ACAD10: variants seen among roughly 807,000 people sequenced by gnomAD.
ACAD10 encodes the protein ACAD-10.
In ACAD10, 112 loss-of-function variants were observed where a neutral mutation model predicts 116.8. The observed-to-expected ratio is 0.96, with a 90% CI of 0.82 to 1.12. ACAD10 has a LOEUF of 1.12. Ranked by LOEUF, ACAD10 falls within the 50% of genes most tolerant of loss-of-function variation. The probability of loss-of-function intolerance (pLI) is 0.00; values close to 1 mark genes in which losing one functional copy is unlikely to be tolerated. For missense variants in ACAD10, 1,259 were observed against 1,350.2 expected, an observed-to-expected ratio of 0.93 and a Z score of 1.06; for synonymous variants, 486 against 510.6, an observed-to-expected ratio of 0.95 and a Z score of 0.65.
chr12:111,702,886 G>C (rs1888390800), intron 3 of ACAD10, among the ~76,000 whole-genome samples: 1 of 151,272 alleles, frequency 6.6e-6, no homozygotes, highest in Non-Finnish European at 1.5e-5. Flanking sequence ...TTGAACTCTG[G>C]AGTTTGAGAC....
At chr12:111,705,983 T>A (rs1165545258) in intron 4 of ACAD10, 51 bp downstream of exon 4, 1 of 1,583,174 alleles carries the variant, frequency 6.3e-7, no homozygotes, top group African/African-American at 1.3e-5. Flanking sequence ...TGCCCTCGCT[T>A]CAGGGTGCAA....
intron 7 of ACAD10, among the ~76,000 whole-genome samples, chr12:111,719,210 T>C (rs1265461552): frequency 6.6e-6 from 1 of 152,224 alleles, no homozygotes; most frequent in Non-Finnish European, 1.5e-5. Flanking sequence ...GAATGAATTC[T>C]AGTTTAATTC....
intron 2 of ACAD10, among the ~76,000 whole-genome samples, chr12:111,694,908 G>A (rs1399006593): frequency 6.6e-6 from 1 of 152,136 alleles, no homozygotes; most frequent in African/African-American, 2.4e-5. Context: ...CATGGATGTA[G>A]TCCCAGCTAC....
In ACAD10 at chr12:111,744,787, C is replaced by T. The variant is rs1251428097; in HGVS notation, c.1859C>T (p.Thr620Met). 3 of 1,614,118 alleles carry T rather than the reference C, an allele frequency of 1.9e-6. No individual in the cohort carries two copies. Among genetic ancestry groups the T allele is most frequent in the African/African-American group, 1.3e-5 (1 of 74,942 alleles). ...FTNPLTRSYH[T>M]WARPQSQWCP... The stretch of plus-strand genomic sequence containing the variant: ...AATCCGTTAACAAGGTCCTACCACA[C>T]GTGGGCCAGGCCCCAGTCCCAGTGG... The change falls in exon 13 of 21, where the codon ACG (threonine) becomes ATG (methionine). Residue 620 changes from threonine to methionine, a missense_variant. Coordinates refer to ENST00000313698, the MANE Select transcript of ACAD10 (RefSeq NM_025247.6).
At chr12:111,713,422 C>T (rs1244126960) in intron 6 of ACAD10, among the ~76,000 whole-genome samples, 1 of 150,684 alleles carries the variant, frequency 6.6e-6, no homozygotes, top group East Asian at 2.0e-4. Context: ...GCCAGGAGTT[C>T]GAGACCAGGC....
In ACAD10 at chr12:111,744,268, TTCTTA is replaced by T. The variant is rs1889826875; in HGVS notation, c.1715-373_1715-369del. Among the ~76,000 whole-genome samples, 3 of 152,114 alleles carry T rather than the reference TTCTTA, an allele frequency of 2.0e-5. No individual in the cohort carries two copies. The South Asian group carries it at 6.2e-4, about 32-fold the overall frequency. On this transcript the variant is annotated intron_variant, in intron 12 of 20. Coordinates refer to ENST00000313698, the MANE Select transcript of ACAD10 (RefSeq NM_025247.6). ...GCAAGGGTGGTCTAGGATGCAGGAC[TTCTTA>T]TAGCCCACTGGCAACGGCAGAGGTG...
intron 4 of ACAD10, 137 bp downstream of exon 4, chr12:111,706,069 T>G (rs1888494574): frequency 1.2e-6 from 1 of 865,180 alleles, no homozygotes; most frequent in African/African-American, 1.7e-5. Flanking sequence ...TAGGTTTAAA[T>G]GCAATATGTT....
chr12:111,737,799 TGACCATTTGCA>T (rs1889614507), intron 12 of ACAD10, among the ~76,000 whole-genome samples: 1 of 152,156 alleles, frequency 6.6e-6, no homozygotes, highest in African/African-American at 2.4e-5. Context: ...AATATGTGTG[TGACCATTTGCA>T]TATTTAACAA....
intron 8 of ACAD10, 23 bp downstream of exon 8, chr12:111,721,762 A>G: frequency 1.9e-6 from 3 of 1,572,638 alleles, no homozygotes; most frequent in Admixed American, 1.7e-5. Context: ...TGTTTTTGCT[A>G]TTGCACTTTC....
chr12:111,717,397 A>G (rs1028355557), intron 7 of ACAD10, among the ~76,000 whole-genome samples: 22 of 151,994 alleles, frequency 1.4e-4, no homozygotes, highest in Non-Finnish European at 2.6e-4. Context: ...TCATAAAACT[A>G]GTAAGCAAGT....
intron 10 of ACAD10, among the ~76,000 whole-genome samples, chr12:111,730,256 G>A (rs1339342191): frequency 6.6e-6 from 1 of 152,164 alleles, no homozygotes; most frequent in Non-Finnish European, 1.5e-5. Flanking sequence ...AATCTTCGCA[G>A]ACCTGGTCCA....
At chr12:111,723,347 G>A (rs1233897592) in intron 8 of ACAD10, among the ~76,000 whole-genome samples, 24 of 139,252 alleles carry the variant, frequency 1.7e-4, no homozygotes, top group Non-Finnish European at 3.2e-4. Flanking sequence ...CCTCCCAGAC[G>A]GGGCGGCTGT....
Position 111,736,826 on chromosome 12 carries a change from C to T in ACAD10, c.1541-5C>T, listed in dbSNP as rs755899575. 13 of 1,609,976 alleles carry T rather than the reference C, an allele frequency of 8.1e-6. No individual in the cohort carries two copies. Among genetic ancestry groups the T allele is most frequent in the African/African-American group, 4.0e-5 (3 of 74,670 alleles). On this transcript the variant is annotated splice_polypyrimidine_tract_variant and splice_region_variant and intron_variant, in intron 11 of 20. Coordinates refer to ENST00000313698, the MANE Select transcript of ACAD10 (RefSeq NM_025247.6). ...TACCCATGAATGGCTCTGTCTTTCT[C>T]GCAGGTATTAATGACTGTGACTTGA... is the stretch of plus-strand genomic sequence containing the variant.
intron 18 of ACAD10, chr12:111,752,963 G>T (rs1890113713): frequency 6.3e-6 from 1 of 158,098 alleles, no homozygotes; most frequent in South Asian, 1.9e-4. Context: ...GGGCAATGTA[G>T]TGAGACCCTG....
intron 7 of ACAD10, among the ~76,000 whole-genome samples, chr12:111,716,384 G>A (rs970880891): frequency 6.6e-6 from 1 of 152,092 alleles, no homozygotes; most frequent in African/African-American, 2.4e-5. Flanking sequence ...CCCCCAAAAA[G>A]CCAAATGTAA....
In ACAD10 at chr12:111,748,041, C is replaced by T. The variant is rs537261677; in HGVS notation, c.2486-276C>T. ...GAGCCAGCTGGCAGGGATCAAGTAG[C>T]GGTTTTCATCCTCTTGTCTCTAAAT... On this transcript the variant is annotated intron_variant, in intron 16 of 20. Coordinates refer to ENST00000313698, the MANE Select transcript of ACAD10 (RefSeq NM_025247.6). Among the ~76,000 whole-genome samples, 6 of 152,262 alleles carry T rather than the reference C, an allele frequency of 3.9e-5. No homozygotes were observed. In the South Asian group the frequency reaches 1.0e-3, roughly 26 times the overall value.
intron 12 of ACAD10, among the ~76,000 whole-genome samples, chr12:111,739,766 A>G (rs1030096436): frequency 2.0e-5 from 3 of 151,936 alleles, no homozygotes; most frequent in Admixed American, 6.6e-5. Context: ...AGAAAAAAAA[A>G]AGGTGGGGGG....
chr12:111,740,849 CAAGGAGAAAG>C (rs1271216554), intron 12 of ACAD10, among the ~76,000 whole-genome samples: 1 of 146,414 alleles, frequency 6.8e-6, no homozygotes, highest in Admixed American at 6.8e-5. Context: ...AAACAAAAGG[CAAGGAGAAAG>C]AAGGAGAAAG....
intron 8 of ACAD10, 147 bp downstream of exon 8, chr12:111,721,886 C>G: frequency 1.9e-6 from 1 of 523,048 alleles, no homozygotes; most frequent in African/African-American, 1.9e-5. Context: ...CAGAAGTTCT[C>G]AGATATTTAA....
Sources: allele counts gnomAD v4.1 joint callset (sites outside exome capture counted in the v4.1 genomes callset), GRCh38; gene constraint gnomAD v4.1.1; transcripts MANE v1.5; gene names NCBI Gene and HGNC (gene_info 2026-07-23, HGNC 2026-07-21).